The following PPP2R5D variants were observed in gnomAD, a reference collection of about 807,000 sequenced individuals.
The protein encoded by PPP2R5D is serine/threonine-protein phosphatase 2A 56 kDa regulatory subunit delta isoform.
A neutral mutation model predicts 79.1 loss-of-function variants in PPP2R5D; 12 were observed. That is an observed-to-expected ratio of 0.15 (90% CI 0.10 to 0.25). The LOEUF (loss-of-function observed/expected upper bound fraction) is 0.25. Among genes scored for constraint, PPP2R5D ranks in the 10% least tolerant of loss-of-function variants. The pLI is 1.00. For missense variants in PPP2R5D, 419 were observed against 760.2 expected, an observed-to-expected ratio of 0.55 and a Z score of 5.28; for synonymous variants, 277 against 286.6, an observed-to-expected ratio of 0.97 and a Z score of 0.34.
chr6:42,997,869 C>T (rs1002681181), intron 2 of PPP2R5D, among the ~76,000 whole-genome samples: 15 of 149,176 alleles, frequency 1.0e-4, no homozygotes, highest in African/African-American at 3.0e-4. Flanking sequence ...TTAGTAGAGA[C>T]GGGGTTTTGC....
intron 1 of PPP2R5D, among the ~76,000 whole-genome samples, chr6:42,988,218 T>C (rs1770998914): frequency 6.6e-6 from 1 of 152,216 alleles, no homozygotes. Flanking sequence ...CACTTCTCAC[T>C]GAAGGGGCTT....
rs1210813827 is a variant in PPP2R5D at position 42,996,082 on chromosome 6, G to T, written c.105+6394G>T. ...GATGGTCTCGATCACTTGACCTCGTGATCCGCCCGCCTCGGCCTCCCAAAG... is the reference window on the plus strand; with the variant it reads ...GATGGTCTCGATCACTTGACCTCGTTATCCGCCCGCCTCGGCCTCCCAAAG... On this transcript the variant is annotated intron_variant, in intron 2 of 15. Coordinates refer to ENST00000485511, the MANE Select transcript of PPP2R5D (RefSeq NM_006245.4). Among the ~76,000 whole-genome samples, 3 of 142,182 alleles carry T rather than the reference G, an allele frequency of 2.1e-5. No individual in the cohort carries two copies. The South Asian group carries it at 6.6e-4, about 31-fold the overall frequency. 93.3% of individuals were successfully genotyped at this position (142,182 alleles called of 152,430 possible). A position where few individuals can be genotyped will look rare whatever the true frequency, so the allele number is the denominator to read the frequency against.
Position 43,009,071 on chromosome 6 carries a change from T to C in PPP2R5D, c.1095T>C (p.Leu365=). The C allele has an allele frequency of 6.2e-7, 1 of 1,613,820 alleles. No individual in the cohort carries two copies. Among genetic ancestry groups the C allele is most frequent in the Non-Finnish European group, 8.5e-7 (1 of 1,179,894 alleles). Reference sequence around the variant, plus strand: ...TTGTCTCCCAGGTAATTGTGGGACTTCTCAAGTTTTGGCCCAAGACCCACA... The same window carrying C: ...TTGTCTCCCAGGTAATTGTGGGACTCCTCAAGTTTTGGCCCAAGACCCACA... The part of the protein sequence containing the change: ...SSLTEPVIVG[L]LKFWPKTHSP... Residue 365 remains leucine, a synonymous_variant, in exon 11 of 16, where the codon CTT becomes CTC. Transcript: ENST00000485511. The surrounding 1 kb of genome is among the most constrained non-coding windows in gnomAD (Gnocchi z 5.6).
chr6:42,993,312 A>T (rs1261887123), intron 2 of PPP2R5D, among the ~76,000 whole-genome samples: 1 of 150,858 alleles, frequency 6.6e-6, no homozygotes, highest in African/African-American at 2.4e-5. Context: ...AAAAAAAAAA[A>T]TACAAAAATT....
chr6:43,005,191 C>CT (rs933672964), intron 2 of PPP2R5D, among the ~76,000 whole-genome samples: 82 of 130,312 alleles, frequency 6.3e-4, no homozygotes, highest in African/African-American at 1.6e-3. Context: ...TCCTCCAAAG[C>CT]TTTTTTTTTT....
chr6:42,995,783 A>G (rs1189762545), intron 2 of PPP2R5D, among the ~76,000 whole-genome samples: 1 of 149,198 alleles, frequency 6.7e-6, no homozygotes, highest in Non-Finnish European at 1.5e-5. Flanking sequence ...TGGTACAATC[A>G]TGGCTCACTG....
At chr6:42,995,251 C>A (rs1220074539) in intron 2 of PPP2R5D, among the ~76,000 whole-genome samples, 1 of 151,376 alleles carries the variant, frequency 6.6e-6, no homozygotes, top group African/African-American at 2.4e-5. Context: ...TTCCCCTCAG[C>A]CCCCTGAGTA....
intron 2 of PPP2R5D, among the ~76,000 whole-genome samples, chr6:42,995,279 G>T (rs1467741720): frequency 1.3e-5 from 2 of 151,608 alleles, no homozygotes; most frequent in African/African-American, 4.9e-5. Context: ...CTGCAGGCAC[G>T]AGCCACTGTG....
rs1561843915 is a variant in PPP2R5D, at chr6:42,998,044, T to TATATAC, written c.105+8361_105+8362insCATATA. 2.3e-3 allele frequency among the ~76,000 whole-genome samples: 67 copies of TATATAC among 29,262 alleles called. 1 individual carries two copies. Among genetic ancestry groups the TATATAC allele is most frequent in the African/African-American group, 6.1e-3 (65 of 10,698 alleles). 19.2% of individuals were successfully genotyped at this position (29,262 alleles called of 152,430 possible). Reference sequence around the variant, plus strand: ...ATATATATATATATATATATATATATATATATATATATATTTTTTTTTTTT... The same window carrying TATATAC: ...ATATATATATATATATATATATATATATATACATATATATATATATTTTTTTTTTTT... On this transcript the variant is annotated intron_variant, in intron 2 of 15. Coordinates refer to ENST00000485511, the MANE Select transcript of PPP2R5D (RefSeq NM_006245.4).
At chr6:42,985,001 G>C (rs1392853084) in intron 1 of PPP2R5D, among the ~76,000 whole-genome samples, 1 of 150,592 alleles carries the variant, frequency 6.6e-6, no homozygotes. Context: ...CCATTCCCAG[G>C]TCACTGTCCT....
chr6:43,009,167 C>G lies in PPP2R5D; in HGVS notation c.1191C>G (p.Ser397Arg), dbSNP rs1367749984. The part of the protein sequence containing the change: ...ILDVIEPSEF[S>R]KVMEPLFRQL... Reference sequence around the variant, plus strand: ...ACGTCATTGAACCTTCTGAGTTCAGCAAAGTGATGGAACCCCTCTTCCGCC... The same window carrying G: ...ACGTCATTGAACCTTCTGAGTTCAGGAAAGTGATGGAACCCCTCTTCCGCC... The change falls in exon 11 of 16, where the codon AGC becomes AGG. Residue 397 changes from serine (S) to arginine (R), a missense_variant. Physicochemically the swap from Ser to Arg is moderately radical, Grantham distance 110. Coordinates refer to ENST00000485511, the MANE Select transcript of PPP2R5D (RefSeq NM_006245.4). The surrounding 1 kb of genome is among the most constrained non-coding windows in gnomAD (Gnocchi z 5.6). The G allele has an allele frequency of 6.2e-7, 1 of 1,614,128 alleles. No homozygotes were observed. The highest frequency in any genetic ancestry group is 1.7e-5 in the Admixed American group (1 of 60,012).
intron 1 of PPP2R5D, among the ~76,000 whole-genome samples, chr6:42,988,690 C>T (rs1179488325): frequency 6.6e-6 from 1 of 152,164 alleles, no homozygotes; most frequent in African/African-American, 2.4e-5. Context: ...TGTCATGGCC[C>T]CTCCCAAGCC....
intron 2 of PPP2R5D, among the ~76,000 whole-genome samples, chr6:42,992,801 G>A (rs1771360944): frequency 6.6e-6 from 1 of 152,126 alleles, no homozygotes; most frequent in South Asian, 2.1e-4. Flanking sequence ...CAGCCTGGGT[G>A]ACAGAACGAG....
At chr6:42,997,900 C>G (rs1771819853) in intron 2 of PPP2R5D, among the ~76,000 whole-genome samples, 1 of 149,212 alleles carries the variant, frequency 6.7e-6, no homozygotes, top group South Asian at 2.1e-4. Context: ...AGGCTGGTCT[C>G]GAACTGTTCT....
chr6:42,991,285 T>G (rs1260094382), intron 2 of PPP2R5D, among the ~76,000 whole-genome samples: 3 of 152,188 alleles, frequency 2.0e-5, no homozygotes. Context: ...ACTTGACATT[T>G]AGAGCAGCAA....
chr6:43,010,277 C>A lies in PPP2R5D; in HGVS notation c.1380-191C>A, dbSNP rs1437019505. On this transcript the variant is annotated intron_variant, in intron 12 of 15. Transcript: ENST00000485511. The surrounding 1 kb of genome is among the most constrained non-coding windows in gnomAD (Gnocchi z 4.7). ...ACAGGTGGACCGATATTTGTGAAAA[C>A]CATGAAATGCCAGTCTCAAACCAGG... Among the ~76,000 whole-genome samples the A allele has an allele frequency of 6.6e-6, 1 of 152,160 alleles. No homozygotes were observed. The highest frequency in any genetic ancestry group is 1.5e-5 in the Non-Finnish European group (1 of 68,042).
chr6:42,989,785 G>A, intron 2 of PPP2R5D, 97 bp downstream of exon 2: 1 of 1,222,952 alleles, frequency 8.2e-7, no homozygotes, highest in Non-Finnish European at 1.2e-6. Flanking sequence ...TGAGGCAGAA[G>A]GGAAGGCTTC....
intron 1 of PPP2R5D, among the ~76,000 whole-genome samples, chr6:42,986,713 A>C (rs1290492625): frequency 1.3e-5 from 2 of 151,952 alleles, no homozygotes; most frequent in African/African-American, 4.8e-5. Context: ...TGAGGTCCCC[A>C]CCCATTTGTA....
At chr6:42,997,383 G>A (rs1020079269) in intron 2 of PPP2R5D, among the ~76,000 whole-genome samples, 26 of 152,034 alleles carry the variant, frequency 1.7e-4, no homozygotes, top group Admixed American at 5.2e-4. Flanking sequence ...GTAGAGATGG[G>A]GTTTCTCCAT....
Sources: allele counts gnomAD v4.1 joint callset (sites outside exome capture counted in the v4.1 genomes callset), GRCh38; gene constraint gnomAD v4.1.1; non-coding constraint Gnocchi (gnomAD v3.1); transcripts MANE v1.5; gene names NCBI Gene and HGNC (gene_info 2026-07-23, HGNC 2026-07-21).